The following MAGI3 variants were observed in gnomAD, a reference collection of about 807,000 sequenced individuals.
The protein encoded by MAGI3 is membrane associated guanylate kinase, WW and PDZ domain containing 3, also known as membrane-associated guanylate kinase, WW and PDZ domain-containing protein 3.
In MAGI3, 43 loss-of-function variants were observed where a neutral mutation model predicts 121.8. The ratio of observed to expected loss-of-function variants is 0.35; its 90% CI spans 0.28 to 0.46. MAGI3 has a LOEUF of 0.46. Ranked by LOEUF, MAGI3 falls within the 20% of genes least tolerant of loss-of-function variation. The pLI is 1.00. For synonymous variants in MAGI3, 553 were observed against 639.3 expected (o/e 0.86, Z 2.04); for missense variants, 1,547 against 1,797.3 (o/e 0.86, Z 2.52).
At chr1:113,637,925 A>G (rs1459064976) in intron 9 of MAGI3, among the ~76,000 whole-genome samples, 3 of 151,564 alleles carry the variant, frequency 2.0e-5, no homozygotes, top group Non-Finnish European at 4.4e-5. Context: ...GGCTTTGTTC[A>G]TTTCTTTTTA....
chr1:113,613,571 T>C (rs1332771863), intron 6 of MAGI3, among the ~76,000 whole-genome samples: 1 of 152,204 alleles, frequency 6.6e-6, no homozygotes, highest in Admixed American at 6.5e-5. Flanking sequence ...TTGTGATGCT[T>C]TCTAAACCTG....
chr1:113,676,086 A>G (rs1409936874), intron 19 of MAGI3, among the ~76,000 whole-genome samples: 1 of 150,914 alleles, frequency 6.6e-6, no homozygotes, highest in East Asian at 1.9e-4. Flanking sequence ...TCTCACACAC[A>G]CAACCTATTC....
chr1:113,417,440 G>T (rs1652514436), intron 1 of MAGI3, among the ~76,000 whole-genome samples: 1 of 152,038 alleles, frequency 6.6e-6, no homozygotes, highest in South Asian at 2.1e-4. Flanking sequence ...CAGAGACAGG[G>T]TCTTGCTTTG....
Position 113,585,481 on chromosome 1 carries a change from A to G in MAGI3, c.648A>G (p.Ala216=). The change falls in exon 4 of 21, where the codon GCA becomes GCG. Residue 216 remains alanine, a synonymous_variant. Coordinates refer to ENST00000307546, the MANE Select transcript of MAGI3 (RefSeq NM_001142782.2). ...TCCTCTTTGATAATGAGTTTGATGC[A>G]GAATCTCAAAGAAAACGAACGACAT... ...DQVLFDNEFD[A]ESQRKRTTSV... 1.9e-6 allele frequency: 3 copies of G among 1,614,154 alleles called. No homozygotes were observed.
At chr1:113,621,841 A>C (rs137938089) in intron 8 of MAGI3, among the ~76,000 whole-genome samples, 1 of 151,954 alleles carries the variant, frequency 6.6e-6, no homozygotes, top group East Asian at 1.9e-4. Flanking sequence ...AGTGAAAGAA[A>C]CCATTCAAAA....
chr1:113,513,286 C>A (rs1657710220), intron 1 of MAGI3, among the ~76,000 whole-genome samples: 1 of 152,080 alleles, frequency 6.6e-6, no homozygotes, highest in Non-Finnish European at 1.5e-5. Context: ...CTTTAAAGTT[C>A]ATATGGAATC....
intron 1 of MAGI3, among the ~76,000 whole-genome samples, chr1:113,476,213 C>T (rs973383110): frequency 6.6e-6 from 1 of 152,074 alleles, no homozygotes; most frequent in East Asian, 1.9e-4. Context: ...TTTTGTGTCT[C>T]CATCTCTTTC....
At chr1:113,450,844 A>C in intron 1 of MAGI3, 1 of 664,964 alleles carries the variant, frequency 1.5e-6, no homozygotes, top group South Asian at 1.7e-5. Context: ...GGAACTGTAA[A>C]AATCTGCCAC....
chr1:113,649,513 G>C (rs536749662), intron 13 of MAGI3, among the ~76,000 whole-genome samples, 185 bp downstream of exon 13: 1 of 152,170 alleles, frequency 6.6e-6, no homozygotes, highest in Non-Finnish European at 1.5e-5. Context: ...TAAAAACTGT[G>C]GGTAAAAACT....
intron 3 of MAGI3, 185 bp downstream of exon 3, chr1:113,580,846 G>A (rs915762733): frequency 1.4e-5 from 6 of 419,008 alleles, no homozygotes; most frequent in African/African-American, 4.2e-5. Context: ...TAAATAATAA[G>A]CAAAAAAAAT....
At chr1:113,395,659 A>G (rs1040628184) in intron 1 of MAGI3, among the ~76,000 whole-genome samples, 3 of 151,924 alleles carry the variant, frequency 2.0e-5, no homozygotes, top group Admixed American at 1.3e-4. Context: ...TATTATATGC[A>G]TATATGTATA....
intron 1 of MAGI3, among the ~76,000 whole-genome samples, chr1:113,533,599 AATAAAG>A (rs916547605): frequency 6.6e-6 from 1 of 152,160 alleles, no homozygotes; most frequent in Non-Finnish European, 1.5e-5. Flanking sequence ...AAAGTTGAAA[AATAAAG>A]ATAAAAAGAT....
intron 3 of MAGI3, among the ~76,000 whole-genome samples, chr1:113,581,297 A>G (rs922292684): frequency 3.3e-5 from 5 of 151,976 alleles, no homozygotes; most frequent in African/African-American, 4.8e-5. Flanking sequence ...TTGCCTGTTT[A>G]TAAGCTCTGT....
chr1:113,512,824 G>A (rs1314199799), intron 1 of MAGI3, among the ~76,000 whole-genome samples: 1 of 152,160 alleles, frequency 6.6e-6, no homozygotes, highest in African/African-American at 2.4e-5. Flanking sequence ...TAGGAAAAGA[G>A]GAAGTCAAAT....
At chr1:113,455,351 A>G (rs1317230666) in intron 1 of MAGI3, among the ~76,000 whole-genome samples, 2 of 152,080 alleles carry the variant, frequency 1.3e-5, no homozygotes, top group Non-Finnish European at 2.9e-5. Context: ...TTCCTAGCAG[A>G]TATAAAAATC....
In MAGI3 at chr1:113,390,789, C is replaced by T. The variant is rs570970255; in HGVS notation, c.-245C>T. 1.8e-4 allele frequency: 41 copies of T among 225,818 alleles called. 1 individual carries two copies. The South Asian group carries it at 6.7e-3, about 37-fold the overall frequency. 14.0% of individuals were successfully genotyped at this position (225,818 alleles called of 1,614,324 possible). ...CCCTTTTCCTTTCTTCAGCCTAACC[C>T]GCGGTGGCCCTCGCGGAGTCCGGTC... On this transcript the variant is annotated 5_prime_UTR_variant, in exon 1 of 21. Coordinates refer to ENST00000307546, the MANE Select transcript of MAGI3 (RefSeq NM_001142782.2).
At chr1:113,666,339 T>A (rs1146185) in intron 16 of MAGI3, among the ~76,000 whole-genome samples, 61,610 of 152,154 alleles carry the variant, frequency 0.4, 15,031 homozygotes, top group African/African-American at 0.68. Flanking sequence ...AAACTTTGCC[T>A]CTACTTTATC....
intron 1 of MAGI3, among the ~76,000 whole-genome samples, chr1:113,479,061 A>G (rs914750196): frequency 1.3e-5 from 2 of 151,702 alleles, no homozygotes; most frequent in Non-Finnish European, 3.0e-5. Context: ...CAAGCCAGGC[A>G]TGGGAGAGAA....
At chr1:113,433,869 A>G (rs1329099060) in intron 1 of MAGI3, among the ~76,000 whole-genome samples, 2 of 152,188 alleles carry the variant, frequency 1.3e-5, no homozygotes, top group African/African-American at 4.8e-5. Flanking sequence ...AATTATTTAG[A>G]AATTTAATCA....
Sources: gnomAD v4.1 joint callset for allele counts (sites outside exome capture counted in the v4.1 genomes callset) on GRCh38, gnomAD v4.1.1 for gene constraint, MANE v1.5 for transcripts, NCBI Gene and HGNC (gene_info 2026-07-23, HGNC 2026-07-21) for gene names.